Variants in RPRD2 observed in about 807,000 individuals in gnomAD.
RPRD2 encodes the protein regulation of nuclear pre-mRNA domain containing 2.
RPRD2 carries 12 observed loss-of-function variants against 104.4 expected under a neutral mutation model. That is an observed-to-expected ratio of 0.11 (90% confidence interval 0.07 to 0.19). RPRD2 has a LOEUF of 0.19. Ranked by LOEUF, RPRD2 falls within the 10% of genes least tolerant of loss-of-function variation. RPRD2 has a pLI of 1.00. For synonymous variants in RPRD2, 714 were observed against 684.9 expected (o/e 1.04, Z -0.66); for missense variants, 1,543 against 1,790.1 (o/e 0.86, Z 2.49).
At chr1:150,437,965 T>C (rs373070412) in intron 2 of RPRD2, among the ~76,000 whole-genome samples, 138 of 144,010 alleles carry the variant, frequency 9.6e-4, no homozygotes, top group African/African-American at 3.4e-3. Flanking sequence ...TGAGATTCTT[T>C]CTGTCATTAT....
chr1:150,369,463 T>G (rs1660113514), intron 1 of RPRD2, among the ~76,000 whole-genome samples: 1 of 106,034 alleles, frequency 9.4e-6, no homozygotes, highest in African/African-American at 4.3e-5. Context: ...TTTTTTTTTT[T>G]TTTTTTTTTT....
rs1396348827 is a variant in RPRD2, at chr1:150,364,472, A to G, written c.-243A>G. Among the ~76,000 whole-genome samples the G allele has an allele frequency of 6.6e-6, 1 of 151,900 alleles. No homozygotes were observed. Among genetic ancestry groups the G allele is most frequent in the Non-Finnish European group, 1.5e-5 (1 of 67,976 alleles). On this transcript the variant is annotated 5_prime_UTR_variant, in exon 1 of 11. Transcript: ENST00000369068. ...TGGTTTAAACACGACCCCTTGAACA[A>G]TATTGATAAAACCTCCGAGACCCGC...
In RPRD2 at chr1:150,385,454, G is replaced by T. The variant is rs1027182217; in HGVS notation, c.205+20535G>T. On this transcript the variant is annotated intron_variant, in intron 1 of 10. Coordinates refer to ENST00000369068, the MANE Select transcript of RPRD2 (RefSeq NM_015203.5). The stretch of plus-strand genomic sequence containing the variant: ...GTGCCACTGCACTCTAGCCTCGGCG[G>T]CAAAGCAAGATCCTGCCTTTAAATA... Among the ~76,000 whole-genome samples the T allele has an allele frequency of 5.3e-5, 8 of 152,228 alleles. No homozygotes were observed. In the East Asian group the frequency reaches 1.2e-3, roughly 22 times the overall value.
At chr1:150,422,600 TATG>T (rs1327350706) in intron 2 of RPRD2, among the ~76,000 whole-genome samples, 3 of 152,040 alleles carry the variant, frequency 2.0e-5, no homozygotes, top group Non-Finnish European at 4.4e-5. Flanking sequence ...CATGAAGAAA[TATG>T]AGCCCAACAT....
intron 10 of RPRD2, among the ~76,000 whole-genome samples, chr1:150,466,473 C>T (rs1187900739): frequency 1.3e-5 from 2 of 149,104 alleles, no homozygotes; most frequent in Non-Finnish European, 3.0e-5. Context: ...CACTTGAGCC[C>T]AGGAGTTCAA....
intron 1 of RPRD2, among the ~76,000 whole-genome samples, chr1:150,403,118 G>C (rs1211746796): frequency 6.6e-6 from 1 of 152,102 alleles, no homozygotes; most frequent in Non-Finnish European, 1.5e-5. Flanking sequence ...ACCAACCTAA[G>C]TATATGTTAT....
chr1:150,368,755 C>CGGCG (rs1157674854), intron 1 of RPRD2, among the ~76,000 whole-genome samples: 9 of 151,566 alleles, frequency 5.9e-5, no homozygotes, highest in African/African-American at 2.2e-4. Flanking sequence ...TGTGAGCCGC[C>CGGCG]GCACCCGGTA....
chr1:150,460,615 C>A (rs1283974441), intron 9 of RPRD2, among the ~76,000 whole-genome samples: 1 of 151,954 alleles, frequency 6.6e-6, no homozygotes, highest in Non-Finnish European at 1.5e-5. Flanking sequence ...GTTGGCCAGG[C>A]TGGTCTTGAA....
At chr1:150,379,459 A>G (rs1290724751) in intron 1 of RPRD2, among the ~76,000 whole-genome samples, 1 of 151,422 alleles carries the variant, frequency 6.6e-6, no homozygotes. Flanking sequence ...CTAGAGTGCA[A>G]TGGCGCCATC....
intron 1 of RPRD2, among the ~76,000 whole-genome samples, chr1:150,394,119 C>T (rs1017316765): frequency 7.2e-5 from 11 of 152,096 alleles, no homozygotes; most frequent in South Asian, 2.1e-4. Context: ...GGCGCGATCT[C>T]GGCTCACTGC....
chr1:150,381,750 C>T (rs976218082), intron 1 of RPRD2, among the ~76,000 whole-genome samples: 1 of 151,988 alleles, frequency 6.6e-6, no homozygotes, highest in African/African-American at 2.4e-5. Context: ...GTGATCCGCC[C>T]GCCTTAGCCT....
At chr1:150,376,690 A>T (rs587668328) in intron 1 of RPRD2, among the ~76,000 whole-genome samples, 2 of 150,982 alleles carry the variant, frequency 1.3e-5, no homozygotes, top group Non-Finnish European at 3.0e-5. Context: ...TTAGTAGAGA[A>T]GGGGTTTCAC....
chr1:150,412,692 C>T (rs924793752), intron 1 of RPRD2, among the ~76,000 whole-genome samples: 12 of 152,156 alleles, frequency 7.9e-5, no homozygotes, highest in South Asian at 2.1e-4. Context: ...TTGAGCAGTG[C>T]GAAATCATTG....
At position 150,444,280 on chromosome 1, in the gene RPRD2, A is replaced by G. The variant is rs782354999; in HGVS notation, c.597A>G (p.Leu199=). The G allele has an allele frequency of 2.5e-6, 4 of 1,613,456 alleles. No homozygotes were observed. The highest frequency in any genetic ancestry group is 2.2e-5 in the East Asian group (1 of 44,874). The change falls in exon 6 of 11, where the codon CTA becomes CTG. Residue 199 remains leucine (L), a synonymous_variant. Transcript: ENST00000369068. ...AGGCCCTAATTGAAGAGCTGTTGCT[A>G]TACAAGCGCTCAGAAGATCAGATAG... ...RSQALIEELL[L]YKRSEDQIEL... is the part of the protein sequence containing the mutation.
At chr1:150,392,102 G>A (rs115330648) in intron 1 of RPRD2, among the ~76,000 whole-genome samples, 3 of 147,968 alleles carry the variant, frequency 2.0e-5, no homozygotes, top group African/African-American at 5.0e-5. Context: ...CGGGAGAATC[G>A]CTTGAACCGG....
chr1:150,458,731 C>T (rs782447747), intron 8 of RPRD2, among the ~76,000 whole-genome samples: 14 of 152,082 alleles, frequency 9.2e-5, no homozygotes, highest in Non-Finnish European at 1.8e-4. Context: ...CCTCCATCTC[C>T]TGCGTTCAAA....
rs1667833127 is a variant in RPRD2 at position 150,460,204 on chromosome 1, T to G, written c.1298T>G (p.Val433Gly). Residue 433 changes from valine to glycine, a missense_variant, in exon 9 of 11, where the codon GTG becomes GGG. Physicochemically the swap from Val to Gly is moderately radical, Grantham distance 109. Coordinates refer to ENST00000369068, the MANE Select transcript of RPRD2 (RefSeq NM_015203.5). Reference protein sequence around the residue: ...MTATPPLPKPVNTSLSPSPAL... With the variant: ...MTATPPLPKPGNTSLSPSPAL... ...GCAACTCCACCTCTTCCAAAGCCTGTGAATACTTCTCTTTCCCCTTCCCCA... is the reference window on the plus strand; with the variant it reads ...GCAACTCCACCTCTTCCAAAGCCTGGGAATACTTCTCTTTCCCCTTCCCCA... 2 of 1,613,970 alleles carry G rather than the reference T, an allele frequency of 1.2e-6. No individual in the cohort carries two copies. Among genetic ancestry groups the G allele is most frequent in the Admixed American group, 3.3e-5 (2 of 59,994 alleles).
At chr1:150,442,783 A>T (rs148867408) in intron 4 of RPRD2, among the ~76,000 whole-genome samples, 1 of 152,212 alleles carries the variant, frequency 6.6e-6, no homozygotes, top group African/African-American at 2.4e-5. Flanking sequence ...CTATGAATTG[A>T]GTCAGCAGAA....
At chr1:150,421,718 G>A (rs1295706221) in intron 2 of RPRD2, among the ~76,000 whole-genome samples, 1 of 152,132 alleles carries the variant, frequency 6.6e-6, no homozygotes, top group Non-Finnish European at 1.5e-5. Context: ...TCTCACACCT[G>A]TAATCCTTGC....
Sources: allele counts gnomAD v4.1 joint callset (sites outside exome capture counted in the v4.1 genomes callset), GRCh38; gene constraint gnomAD v4.1.1; transcripts MANE v1.5; gene names NCBI Gene and HGNC (gene_info 2026-07-23, HGNC 2026-07-21).